Variants in DCHS2 observed in about 807,000 individuals in gnomAD.
DCHS2 encodes dachsous cadherin-related 2, also known as protocadherin-23.
DCHS2 carries 142 observed loss-of-function variants against 182.4 expected under a neutral mutation model. That is an observed-to-expected ratio of 0.78 (90% CI 0.68 to 0.89). DCHS2 has a LOEUF of 0.89. Ranked by LOEUF, DCHS2 falls within the 40% of genes least tolerant of loss-of-function variation. DCHS2 has a pLI of 0.00. For missense variants in DCHS2, 4,319 were observed against 4,198.6 expected, an observed-to-expected ratio of 1.03 and a Z score of -0.79; for synonymous variants, 1,740 against 1,663.3, an observed-to-expected ratio of 1.05 and a Z score of -1.12.
At chr4:154,316,074 C>T in intron 9 of DCHS2, 87 bp from the exon 10 acceptor site, 3 of 1,535,860 alleles carry the variant, frequency 2.0e-6, no homozygotes, top group Non-Finnish European at 2.6e-6. Flanking sequence ...ACTTGTCTAC[C>T]TAATAAAAAT....
intron 7 of DCHS2, among the ~76,000 whole-genome samples, chr4:154,324,828 A>G (rs1246075145): frequency 1.3e-5 from 2 of 152,178 alleles, no homozygotes; most frequent in Non-Finnish European, 2.9e-5. Flanking sequence ...GCTTTAATCC[A>G]TTGATTTTGT....
chr4:154,236,042 A>T lies in DCHS2; in HGVS notation c.8610T>A (p.Ile2870=). The stretch of plus-strand genomic sequence containing the variant: ...TGGGCTCAAATTCATCTATCCCTTC[A>T]ATATCCACCCAGACCACTAAGGAGG... ...ATASLVVWVD[I]EGIDEFEPIF... is the part of the protein sequence containing the mutation. The change falls in exon 20 of 20, where the codon ATT becomes ATA. Residue 2870 remains isoleucine, a synonymous_variant. Transcript: ENST00000357232. The T allele has an allele frequency of 6.2e-7, 1 of 1,613,860 alleles. No individual in the cohort carries two copies. The highest frequency in any genetic ancestry group is 8.5e-7 in the Non-Finnish European group (1 of 1,179,932).
chr4:154,282,543 C>T (rs959066485), intron 13 of DCHS2, among the ~76,000 whole-genome samples: 9 of 151,438 alleles, frequency 5.9e-5, no homozygotes, highest in African/African-American at 1.9e-4. Context: ...ACAAGGATGT[C>T]GAGAAATTGG....
chr4:154,355,712 A>G (rs1729829632), intron 3 of DCHS2: 1 of 152,078 alleles, frequency 6.6e-6, no homozygotes, highest in Non-Finnish European at 1.5e-5. Flanking sequence ...TGCACTTACG[A>G]TGGTGGTCCC....
At chr4:154,451,513 C>T (rs1734534045) in intron 1 of DCHS2, among the ~76,000 whole-genome samples, 1 of 152,180 alleles carries the variant, frequency 6.6e-6, no homozygotes, top group South Asian at 2.1e-4. Context: ...CCCAAATCCC[C>T]ATGGACCTGA....
At chr4:154,283,542 A>C (rs2111241122) in intron 13 of DCHS2, among the ~76,000 whole-genome samples, 1 of 152,260 alleles carries the variant, frequency 6.6e-6, no homozygotes, top group South Asian at 2.1e-4. Context: ...AGTCTGAAAT[A>C]GATTTTTAAT....
At chr4:154,336,972 T>C (rs1392526182) in intron 3 of DCHS2, among the ~76,000 whole-genome samples, 3 of 152,182 alleles carry the variant, frequency 2.0e-5, no homozygotes, top group Non-Finnish European at 4.4e-5. Flanking sequence ...GGATAAACAC[T>C]CTTTATTAGA....
chr4:154,429,814 G>A (rs546959784), intron 1 of DCHS2, among the ~76,000 whole-genome samples: 97 of 152,034 alleles, frequency 6.4e-4, no homozygotes, highest in African/African-American at 2.1e-3. Context: ...GAGTAGCCAC[G>A]ACTCTGGAAT....
intron 8 of DCHS2, 28 bp from the exon 9 acceptor site, chr4:154,321,250 T>C (rs1736051940): frequency 1.4e-6 from 2 of 1,451,966 alleles, no homozygotes; most frequent in South Asian, 3.3e-5. Context: ...GAGATATTAA[T>C]TTGGGGTATT....
At chr4:154,379,110 G>A (rs951167890) in intron 1 of DCHS2, among the ~76,000 whole-genome samples, 2 of 152,116 alleles carry the variant, frequency 1.3e-5, no homozygotes, top group African/African-American at 4.8e-5. Context: ...GATTAATTCA[G>A]AAAGTCCAAC....
chr4:154,367,498 G>C (rs1388078), intron 2 of DCHS2, among the ~76,000 whole-genome samples: 3 of 152,262 alleles, frequency 2.0e-5, no homozygotes, highest in Admixed American at 2.0e-4. Flanking sequence ...CTGCTTTTTT[G>C]GTGTTGCCTC....
intron 1 of DCHS2, among the ~76,000 whole-genome samples, chr4:154,385,924 C>T (rs1435755347): frequency 6.6e-6 from 1 of 152,088 alleles, no homozygotes; most frequent in Non-Finnish European, 1.5e-5. Context: ...CTCCCCAATT[C>T]TAAATCTCCA....
At chr4:154,327,892 A>G (rs547335892) in intron 7 of DCHS2, among the ~76,000 whole-genome samples, 6 of 152,222 alleles carry the variant, frequency 3.9e-5, no homozygotes, top group Non-Finnish European at 2.9e-5. Flanking sequence ...ATTTTTTATT[A>G]AACTTTAAAT....
chr4:154,421,845 C>G (rs1733126371), intron 1 of DCHS2, among the ~76,000 whole-genome samples: 3 of 152,202 alleles, frequency 2.0e-5, no homozygotes, highest in Non-Finnish European at 2.9e-5. Context: ...TCTATTTTCT[C>G]ACTTCTCACT....
intron 14 of DCHS2, among the ~76,000 whole-genome samples, chr4:154,265,001 T>C (rs1418255426): frequency 1.3e-5 from 2 of 152,202 alleles, no homozygotes; most frequent in Non-Finnish European, 2.9e-5. Flanking sequence ...TTGATTAATG[T>C]TGGACTTTAT....
At chr4:154,394,239 T>G (rs903571509) in intron 1 of DCHS2, among the ~76,000 whole-genome samples, 3 of 152,114 alleles carry the variant, frequency 2.0e-5, no homozygotes, top group African/African-American at 7.2e-5. Flanking sequence ...TACAGCAAAT[T>G]TTTATTCTTG....
At chr4:154,300,193 G>T (rs1243203072) in intron 12 of DCHS2, among the ~76,000 whole-genome samples, 1 of 152,058 alleles carries the variant, frequency 6.6e-6, no homozygotes, top group African/African-American at 2.4e-5. Context: ...GAAAAGGGCT[G>T]GCAGTAGCGG....
chr4:154,366,381 G>T lies in DCHS2; in HGVS notation c.2305C>A (p.Pro769Thr). 2.5e-6 allele frequency: 4 copies of T among 1,613,936 alleles called. No homozygotes were observed. The highest frequency in any genetic ancestry group is 3.4e-6 in the Non-Finnish European group (4 of 1,179,966). Residue 769 changes from proline (P) to threonine (T), a missense_variant, in exon 3 of 20, where the codon CCT (proline) becomes ACT (threonine). Transcript: ENST00000357232. ...VDLEDVNDNH[P>T]VFNPSTYVTS... ...ACATAGGTTGATGGGTTAAACACAG[G>T]ATGATTATCATTCACGTCCTCCAGG... is the stretch of plus-strand genomic sequence containing the variant.
At chr4:154,444,957 C>T (rs114252939) in intron 1 of DCHS2, among the ~76,000 whole-genome samples, 8 of 152,186 alleles carry the variant, frequency 5.3e-5, no homozygotes, top group African/African-American at 1.7e-4. Context: ...TCTACCTAGA[C>T]GACTGGTCCC....
Sources: gnomAD v4.1 joint callset for allele counts (sites outside exome capture counted in the v4.1 genomes callset) on GRCh38, gnomAD v4.1.1 for gene constraint, MANE v1.5 for transcripts, NCBI Gene and HGNC (gene_info 2026-07-23, HGNC 2026-07-21) for gene names.